ODF4: variants seen among roughly 807,000 people sequenced by gnomAD.
ODF4 encodes the protein outer dense fiber of sperm tails 4, also known as outer dense fiber protein 4.
Under a neutral mutation model 17.0 loss-of-function variants are expected in ODF4, and 11 were observed. That is an observed-to-expected ratio of 0.65 (90% CI 0.41 to 1.07). ODF4 has a LOEUF of 1.07. Ranked by LOEUF, ODF4 falls within the 50% of genes least tolerant of loss-of-function variation. ODF4 has a pLI of 0.00. For missense variants in ODF4, 281 were observed against 310.2 expected, an observed-to-expected ratio of 0.91 and a Z score of 0.71; for synonymous variants, 127 against 121.8, an observed-to-expected ratio of 1.04 and a Z score of -0.28.
At chr17:8,344,768 T>G in intron 1 of ODF4, 66 of 607,384 alleles carry the variant, frequency 1.1e-4, no homozygotes, top group East Asian at 1.4e-4. Flanking sequence ...ATTACAGGCG[T>G]GAGTCACCGC....
intron 1 of ODF4, chr17:8,344,789 A>G: frequency 3.5e-6 from 3 of 845,492 alleles, no homozygotes; most frequent in Non-Finnish European, 4.3e-6. Context: ...GCCTGGCGGT[A>G]CATTTTCTTG....
rs1191712947 is a variant in ODF4, at chr17:8,344,417, G to T, written c.455-926G>T. Among the ~76,000 whole-genome samples the T allele has an allele frequency of 2.3e-5, 3 of 128,518 alleles. 1 individual carries two copies. The highest frequency in any genetic ancestry group is 5.0e-5 in the Non-Finnish European group (3 of 59,842). The allele number at this position is 128,518 out of a possible 152,430, so 84.3% of individuals were successfully genotyped here. ...ATATCAAGGATCTCGGATTGTTTAA[G>T]AAGTGAAAGCAATATTTCATTTTTA... On this transcript the variant is annotated intron_variant, in intron 1 of 2. Coordinates refer to ENST00000328248, the MANE Select transcript of ODF4 (RefSeq NM_153007.5).
At position 8,345,490 on chromosome 17, in the gene ODF4, A is replaced by T; in HGVS notation, c.589+13A>T. The T allele has an allele frequency of 6.2e-7, 1 of 1,613,462 alleles. No individual in the cohort carries two copies. Among genetic ancestry groups the T allele is most frequent in the African/African-American group, 1.3e-5 (1 of 75,016 alleles). On this transcript the variant is annotated intron_variant, in intron 2 of 2. Transcript: ENST00000328248. The surrounding 1 kb of genome is among the most constrained non-coding windows in gnomAD (Gnocchi z 4.1). ...TACTTCACCTGCGGTGAGTGGCCAG[A>T]GGGCCCTGGGGGAAGGAAGCGACAT...
At chr17:8,340,592 C>T in intron 1 of ODF4, 87 bp downstream of exon 1, 1 of 760,056 alleles carries the variant, frequency 1.3e-6, no homozygotes, top group Non-Finnish European at 2.1e-6. Flanking sequence ...CTTGTTCCCT[C>T]TTTCTGGTCA....
Position 8,340,127 on chromosome 17 carries a change from G to A in ODF4, c.76G>A (p.Glu26Lys). ...ERDQHQRPGK[E>K]RKSGEAGWGT... ...AGACCAACATCAGAGACCTGGAAAG[G>A]AAAGGAAGAGTGGGGAGGCAGGATG... Residue 26 changes from glutamate to lysine, a missense_variant, in exon 1 of 3, where the codon GAA becomes AAA. Coordinates refer to ENST00000328248, the MANE Select transcript of ODF4 (RefSeq NM_153007.5). 1 of 1,556,450 alleles carries A rather than the reference G, an allele frequency of 6.4e-7. No individual in the cohort carries two copies. Among genetic ancestry groups the A allele is most frequent in the Non-Finnish European group, 8.7e-7 (1 of 1,153,386 alleles).
At chr17:8,343,883 G>A (rs1254685478) in intron 1 of ODF4, among the ~76,000 whole-genome samples, 1 of 119,102 alleles carries the variant, frequency 8.4e-6, no homozygotes, top group East Asian at 2.4e-4. Context: ...TCAGCTTCCT[G>A]GGATCAAGCG....
rs577439292 is a variant in ODF4 at position 8,340,556 on chromosome 17, C to G, written c.454+51C>G. Reference sequence around the variant, plus strand: ...GCCCAGGCCGCCAGCCTGTCTTGGCCTCTGTATCTGCACCCTGGATGTATT... The same window carrying G: ...GCCCAGGCCGCCAGCCTGTCTTGGCGTCTGTATCTGCACCCTGGATGTATT... On this transcript the variant is annotated intron_variant, in intron 1 of 2. Transcript: ENST00000328248. 1.8e-5 allele frequency: 20 copies of G among 1,106,716 alleles called. 1 individual carries two copies. The East Asian group carries it at 4.5e-4, about 25-fold the overall frequency. The allele number at this position is 1,106,716 out of a possible 1,614,324, so 68.6% of individuals were successfully genotyped here. A position where few individuals can be genotyped will look rare whatever the true frequency, so the allele number is the denominator to read the frequency against.
rs1457861338 is a variant in ODF4, at chr17:8,345,380, T to G, written c.492T>G (p.Ile164Met). The change falls in exon 2 of 3, where the codon ATT (isoleucine) becomes ATG (methionine). Residue 164 changes from isoleucine to methionine, a missense_variant. Coordinates refer to ENST00000328248, the MANE Select transcript of ODF4 (RefSeq NM_153007.5). The surrounding 1 kb of genome is among the most constrained non-coding windows in gnomAD (Gnocchi z 4.1). Reference sequence around the variant, plus strand: ...TCTCCACCCTCATGCTATTCCCCATTAACATCTGGATCTTCGAGTTGGAAA... The same window carrying G: ...TCTCCACCCTCATGCTATTCCCCATGAACATCTGGATCTTCGAGTTGGAAA... Reference protein sequence around the residue: ...FIFSTLMLFPINIWIFELERN... With the variant: ...FIFSTLMLFPMNIWIFELERN... 6.2e-7 allele frequency: 1 copy of G among 1,613,752 alleles called. No individual in the cohort carries two copies. Among genetic ancestry groups the G allele is most frequent in the East Asian group, 2.2e-5 (1 of 44,880 alleles).
chr17:8,345,203 G>A lies in ODF4; in HGVS notation c.455-140G>A. The A allele has an allele frequency of 1.2e-6, 1 of 853,656 alleles. No homozygotes were observed. The highest frequency in any genetic ancestry group is 1.7e-5 in the South Asian group (1 of 58,348). 52.9% of individuals were successfully genotyped at this position (853,656 alleles called of 1,614,324 possible). A position where few individuals can be genotyped will look rare whatever the true frequency, so the allele number is the denominator to read the frequency against. On this transcript the variant is annotated intron_variant, in intron 1 of 2. Coordinates refer to ENST00000328248, the MANE Select transcript of ODF4 (RefSeq NM_153007.5). This position sits in a 1 kb window ranked among gnomAD's most constrained non-coding sequence, Gnocchi z 4.1. ...TCTTGGTCACAGGAGAGGTAGAAAT[G>A]CAGGGGTTGACTCCTGGAACCTCAG...
Position 8,345,801 on chromosome 17 carries a change from C to T in ODF4, c.723C>T (p.Pro241=). 1.2e-6 allele frequency: 2 copies of T among 1,614,142 alleles called. No individual in the cohort carries two copies. Among genetic ancestry groups the T allele is most frequent in the South Asian group, 2.2e-5 (2 of 91,086 alleles). Residue 241 remains proline, a synonymous_variant, in exon 3 of 3, where the codon CCC becomes CCT. Transcript: ENST00000328248. This position sits in a 1 kb window ranked among gnomAD's most constrained non-coding sequence, Gnocchi z 4.1. ...SPRAQTITDT[P]ITQEGVLDPE... ...GGGCACAGACGATCACAGACACCCC[C>T]ATCACCCAGGAGGGAGTCCTGGATC...
At chr17:8,344,725 G>C (rs1470583726) in intron 1 of ODF4, 1 of 219,286 alleles carries the variant, frequency 4.6e-6, no homozygotes, top group Admixed American at 6.5e-5. Flanking sequence ...CTGACCTTGT[G>C]ATCCACCTGC....
chr17:8,343,271 A>G (rs1337826636), intron 1 of ODF4, among the ~76,000 whole-genome samples: 1 of 151,130 alleles, frequency 6.6e-6, no homozygotes, highest in Non-Finnish European at 1.5e-5. Flanking sequence ...AGCTGAGACT[A>G]CAGACAGGTG....
At position 8,340,079 on chromosome 17, in the gene ODF4, T is replaced by G. The variant is rs756211518; in HGVS notation, c.28T>G (p.Phe10Val). ...GGATGCAGAGTACTCTGGGAATGAG[T>G]TCCCCAGGTCAGAAGGAGAAAGAGA... is the stretch of plus-strand genomic sequence containing the variant. Reference protein sequence around the residue: MDAEYSGNEFPRSEGERDQH... With the variant: MDAEYSGNEVPRSEGERDQH... The change falls in exon 1 of 3, where the codon TTC becomes GTC. Residue 10 changes from phenylalanine (F) to valine (V), a missense_variant. By Grantham distance (50) the Phe-to-Val change is conservative. Transcript: ENST00000328248. 3 of 1,522,970 alleles carry G rather than the reference T, an allele frequency of 2.0e-6. No individual in the cohort carries two copies. The highest frequency in any genetic ancestry group is 2.2e-5 in the Admixed American group (1 of 45,056). The allele number at this position is 1,522,970 out of a possible 1,614,324, so 94.3% of individuals were successfully genotyped here.
intron 1 of ODF4, among the ~76,000 whole-genome samples, chr17:8,342,475 T>G (rs966280664): frequency 2.0e-5 from 3 of 150,588 alleles, no homozygotes; most frequent in Non-Finnish European, 4.4e-5. Flanking sequence ...ACTCCTGACC[T>G]CAGATGATCC....
In ODF4 at chr17:8,340,043, G is replaced by C; in HGVS notation, c.-9G>C. The C allele has an allele frequency of 6.7e-7, 1 of 1,500,754 alleles. No homozygotes were observed. Among genetic ancestry groups the C allele is most frequent in the South Asian group, 1.4e-5 (1 of 72,950 alleles). The allele number at this position is 1,500,754 out of a possible 1,614,324, so 93.0% of individuals were successfully genotyped here. A position where few individuals can be genotyped will look rare whatever the true frequency, so the allele number is the denominator to read the frequency against. On this transcript the variant is annotated 5_prime_UTR_variant, in exon 1 of 3. Transcript: ENST00000328248. ...GAAAGGGGAGACAGAGGGTGAAGTG[G>C]TGCTCAAGATGGATGCAGAGTACTC...
rs538469535 is a variant in ODF4, at chr17:8,343,660, T to C, written c.455-1683T>C. On this transcript the variant is annotated intron_variant, in intron 1 of 2. Coordinates refer to ENST00000328248, the MANE Select transcript of ODF4 (RefSeq NM_153007.5). Reference sequence around the variant, plus strand: ...TATACTAGGTGTTATCAATCTTATTTTGATCTTTGCTAATTTGACAGTTTA... The same window carrying C: ...TATACTAGGTGTTATCAATCTTATTCTGATCTTTGCTAATTTGACAGTTTA... Among the ~76,000 whole-genome samples the C allele has an allele frequency of 1.0e-4, 13 of 127,012 alleles. 3 individuals carry two copies. The highest frequency in any genetic ancestry group is 2.2e-4 in the Non-Finnish European group (13 of 59,506). The allele number at this position is 127,012 out of a possible 152,430, so 83.3% of individuals were successfully genotyped here. A position where few individuals can be genotyped will look rare whatever the true frequency, so the allele number is the denominator to read the frequency against.
chr17:8,346,046 A>T lies in ODF4; in HGVS notation c.*194A>T. 2 of 518,694 alleles carry T rather than the reference A, an allele frequency of 3.9e-6. No individual in the cohort carries two copies. The highest frequency in any genetic ancestry group is 6.9e-6 in the Non-Finnish European group (2 of 291,278). The allele number at this position is 518,694 out of a possible 1,614,324, so 32.1% of individuals were successfully genotyped here. A position where few individuals can be genotyped will look rare whatever the true frequency, so the allele number is the denominator to read the frequency against. On this transcript the variant is annotated 3_prime_UTR_variant, in exon 3 of 3. Coordinates refer to ENST00000328248, the MANE Select transcript of ODF4 (RefSeq NM_153007.5). ...ATAAATTGTCCGTCTCTTCTTTCTC[A>T]TATCTGGCTGTTGTTGAGGCAAGCT...
chr17:8,341,605 C>T (rs1906019231), intron 1 of ODF4, among the ~76,000 whole-genome samples: 1 of 152,096 alleles, frequency 6.6e-6, no homozygotes, highest in African/African-American at 2.4e-5. Flanking sequence ...AGGGATCCTC[C>T]TGCTTTAACT....
At position 8,339,873 on chromosome 17, in the gene ODF4, T is replaced by C. The variant is rs977919019; in HGVS notation, c.-179T>C. 1 of 416,308 alleles carries C rather than the reference T, an allele frequency of 2.4e-6. No individual in the cohort carries two copies. Among genetic ancestry groups the C allele is most frequent in the Non-Finnish European group, 4.2e-6 (1 of 237,744 alleles). The allele number at this position is 416,308 out of a possible 1,614,324, so 25.8% of individuals were successfully genotyped here. ...TAGGGGACCTGGCCTGCTGAATGGGTTGGGGCCTTCTCTTGGATCAAGAGT... is the reference window on the plus strand; with the variant it reads ...TAGGGGACCTGGCCTGCTGAATGGGCTGGGGCCTTCTCTTGGATCAAGAGT... On this transcript the variant is annotated 5_prime_UTR_variant, in exon 1 of 3. Transcript: ENST00000328248.
Sources: gnomAD v4.1 joint callset for allele counts (sites outside exome capture counted in the v4.1 genomes callset) on GRCh38, gnomAD v4.1.1 for gene constraint, Gnocchi (gnomAD v3.1) non-coding constraint, MANE v1.5 for transcripts, NCBI Gene and HGNC (gene_info 2026-07-23, HGNC 2026-07-21) for gene names.